Variants in BPHL observed in about 807,000 individuals in gnomAD.
BPHL encodes the protein biphenyl hydrolase like.
Under a neutral mutation model 31.2 loss-of-function variants are expected in BPHL, and 27 were observed. The observed-to-expected ratio is 0.87, with a 90% CI of 0.64 to 1.19. BPHL has a LOEUF of 1.19. Ranked by LOEUF, BPHL falls within the 50% of genes most tolerant of loss-of-function variation. The pLI is 0.00. For synonymous variants in BPHL, 150 were observed against 146.8 expected (o/e 1.02, Z -0.16); for missense variants, 356 against 375.7 (o/e 0.95, Z 0.43).
intron 4 of BPHL, among the ~76,000 whole-genome samples, chr6:3,132,091 C>G (rs940584547): frequency 6.6e-6 from 1 of 152,184 alleles, no homozygotes; most frequent in African/African-American, 2.4e-5. Flanking sequence ...TCTTTACTCT[C>G]TGACGTCTCG....
rs1368393966 is a variant in BPHL at position 3,140,978 on chromosome 6, C to T, written c.788+469C>T. Among the ~76,000 whole-genome samples the T allele has an allele frequency of 3.3e-5, 5 of 152,222 alleles. No individual in the cohort carries two copies. The highest frequency in any genetic ancestry group is 1.2e-4 in the African/African-American group (5 of 41,456). ...CAGTTAATGGTAGTGTTCCCTGTCC[C>T]TAAAGCCCCCAGGCCAGCAGGGAAA... On this transcript the variant is annotated intron_variant, in intron 6 of 6. Transcript: ENST00000380379. This position sits in a 1 kb window ranked among gnomAD's most constrained non-coding sequence, Gnocchi z 5.2.
chr6:3,136,259 C>T (rs1263790027), intron 4 of BPHL, among the ~76,000 whole-genome samples: 1 of 152,188 alleles, frequency 6.6e-6, no homozygotes, highest in Non-Finnish European at 1.5e-5. Context: ...CTTCTCTCTC[C>T]CTTACCCTCC....
chr6:3,150,007 G>A (rs1762478156), intron 6 of BPHL: 1 of 152,192 alleles, frequency 6.6e-6, no homozygotes, highest in South Asian at 2.1e-4. Context: ...AATAAAAAGG[G>A]GCTATTGGCA....
intron 6 of BPHL, among the ~76,000 whole-genome samples, chr6:3,142,438 C>T (rs554178885): frequency 5.3e-5 from 8 of 152,244 alleles, no homozygotes; most frequent in Non-Finnish European, 1.0e-4. Flanking sequence ...TTTATACAAT[C>T]TCAGTTTTTG....
In BPHL at chr6:3,119,367, G is replaced by A. The variant is rs375820804; in HGVS notation, c.107+520G>A. 3.3e-5 allele frequency: 52 copies of A among 1,576,808 alleles called. No individual in the cohort carries two copies. The East Asian group carries it at 4.0e-4, about 12-fold the overall frequency. On this transcript the variant is annotated intron_variant, in intron 1 of 6. Coordinates refer to ENST00000380379, the MANE Select transcript of BPHL (RefSeq NM_004332.4). ...AGTCTTCTCTTTGCTTGCTGATCTC[G>A]TACCTTAATGTGCAAAAGAATCACG...
rs149119996 is a variant in BPHL, at chr6:3,142,127, T to C, written c.788+1618T>C. Among the ~76,000 whole-genome samples, 15 of 151,604 alleles carry C rather than the reference T, an allele frequency of 9.9e-5. No homozygotes were observed. In the East Asian group the frequency reaches 2.9e-3, roughly 29 times the overall value. On this transcript the variant is annotated intron_variant, in intron 6 of 6. Transcript: ENST00000380379. Reference sequence around the variant, plus strand: ...CCTTGCAAAAGTTTTTTTTGTTTGTTTTTTTTTTGAGGCACAGTTTCACTC... The same window carrying C: ...CCTTGCAAAAGTTTTTTTTGTTTGTCTTTTTTTTGAGGCACAGTTTCACTC...
In BPHL at chr6:3,140,402, C is replaced by T. The variant is rs780775990; in HGVS notation, c.681C>T (p.His227=). The T allele has an allele frequency of 1.2e-6, 2 of 1,614,132 alleles. No homozygotes were observed. The highest frequency in any genetic ancestry group is 2.2e-5 in the East Asian group (1 of 44,888). Residue 227 remains histidine, a synonymous_variant, in exon 6 of 7, where the codon CAC becomes CAT. Coordinates refer to ENST00000380379, the MANE Select transcript of BPHL (RefSeq NM_004332.4). The surrounding 1 kb of genome is among the most constrained non-coding windows in gnomAD (Gnocchi z 5.2). ...ATCCGTCAGGTAACATCTGCCGGCA[C>T]CTGCTGCCCCGGGTCCAGTGCCCCG... ...KHLPDGNICR[H]LLPRVQCPAL...
At chr6:3,133,036 A>G (rs1251969074) in intron 4 of BPHL, among the ~76,000 whole-genome samples, 1 of 152,178 alleles carries the variant, frequency 6.6e-6, no homozygotes, top group Non-Finnish European at 1.5e-5. Context: ...CATTATAAAT[A>G]ATACTCTTTC....
chr6:3,126,120 T>C (rs932533681), intron 2 of BPHL, among the ~76,000 whole-genome samples: 1 of 152,220 alleles, frequency 6.6e-6, no homozygotes, highest in African/African-American at 2.4e-5. Context: ...TTCATACTGT[T>C]CTGATGAAAC....
At chr6:3,119,580 C>A in intron 1 of BPHL, 2 of 1,588,438 alleles carry the variant, frequency 1.3e-6, no homozygotes, top group Non-Finnish European at 1.7e-6. Flanking sequence ...ACTCTTGGTC[C>A]CAAGAGATAC....
At position 3,118,804 on chromosome 6, in the gene BPHL, C is replaced by T. The variant is rs1761465924; in HGVS notation, c.64C>T (p.Pro22Ser). 2.4e-6 allele frequency: 3 copies of T among 1,245,662 alleles called. No individual in the cohort carries two copies. Among genetic ancestry groups the T allele is most frequent in the Non-Finnish European group, 3.0e-6 (3 of 991,688 alleles). 77.2% of individuals were successfully genotyped at this position (1,245,662 alleles called of 1,614,324 possible). A position where few individuals can be genotyped will look rare whatever the true frequency, so the allele number is the denominator to read the frequency against. The change falls in exon 1 of 7, where the codon CCC becomes TCC. Residue 22 changes from proline (P) to serine (S), a missense_variant. Transcript: ENST00000380379. ...RLRLLLSALK[P>S]GIHVPRAGPA... ...GCGGCTGCTTCTCTCAGCGCTGAAG[C>T]CCGGGATCCACGTCCCACGGGCCGG... is the stretch of plus-strand genomic sequence containing the variant.
upstream of BPHL, chr6:3,118,645 G>T: frequency 1.2e-6 from 1 of 863,674 alleles, no homozygotes; most frequent in Non-Finnish European, 1.5e-6. Flanking sequence ...AGGCGAGGTG[G>T]GCGGAGCAGA....
chr6:3,125,605 A>G (rs1266456408), intron 2 of BPHL, among the ~76,000 whole-genome samples: 2 of 151,992 alleles, frequency 1.3e-5, no homozygotes, highest in Admixed American at 6.6e-5. Flanking sequence ...GGTCTTTTAG[A>G]CTGTTCTTTT....
chr6:3,134,029 A>G (rs780648344), intron 4 of BPHL, among the ~76,000 whole-genome samples: 4 of 152,234 alleles, frequency 2.6e-5, no homozygotes, highest in Admixed American at 6.5e-5. Context: ...GGTGTAAGAT[A>G]TTATCTTATT....
chr6:3,133,513 G>A (rs565921185), intron 4 of BPHL, among the ~76,000 whole-genome samples: 14 of 152,062 alleles, frequency 9.2e-5, no homozygotes, highest in African/African-American at 2.7e-4. Flanking sequence ...TGAGTGGCCC[G>A]GCCTCTGCCT....
chr6:3,140,235 A>C lies in BPHL; in HGVS notation c.665-151A>C. On this transcript the variant is annotated intron_variant, in intron 5 of 6. Transcript: ENST00000380379. This position sits in a 1 kb window ranked among gnomAD's most constrained non-coding sequence, Gnocchi z 5.2. ...GAACCCAAAGAATGTTAGAGCTGGAAGGAATCCCAGGCACGGTCAAATCCA... is the reference window on the plus strand; with the variant it reads ...GAACCCAAAGAATGTTAGAGCTGGACGGAATCCCAGGCACGGTCAAATCCA... 1.1e-6 allele frequency: 1 copy of C among 921,770 alleles called. No homozygotes were observed. The highest frequency in any genetic ancestry group is 2.7e-5 in the East Asian group (1 of 36,670). 57.1% of individuals were successfully genotyped at this position (921,770 alleles called of 1,614,324 possible).
intron 1 of BPHL, among the ~76,000 whole-genome samples, chr6:3,122,519 TC>T (rs1442989084): frequency 6.6e-6 from 1 of 152,150 alleles, no homozygotes; most frequent in African/African-American, 2.4e-5. Context: ...AGTCTGGCTG[TC>T]CTCGAAGAGC....
chr6:3,146,736 T>G (rs1762390257), intron 6 of BPHL, among the ~76,000 whole-genome samples: 1 of 146,588 alleles, frequency 6.8e-6, no homozygotes, highest in African/African-American at 2.6e-5. Context: ...GAGTGCTGGT[T>G]TGGGTCGGAG....
rs747730745 is a variant in BPHL, at chr6:3,123,639, G to A, written c.108-18G>A. The A allele has an allele frequency of 1.8e-5, 29 of 1,605,394 alleles. No homozygotes were observed. In the Admixed American group the frequency reaches 4.7e-4, roughly 26 times the overall value. ...ATCTCCCCTTTCCCCCTGTGGGGATGTGTTTTTTCTCTTCTAGCACCTCGG... is the reference window on the plus strand; with the variant it reads ...ATCTCCCCTTTCCCCCTGTGGGGATATGTTTTTTCTCTTCTAGCACCTCGG... On this transcript the variant is annotated intron_variant, in intron 1 of 6. Transcript: ENST00000380379.
Sources: gnomAD v4.1 joint callset for allele counts (sites outside exome capture counted in the v4.1 genomes callset) on GRCh38, gnomAD v4.1.1 for gene constraint, Gnocchi (gnomAD v3.1) non-coding constraint, MANE v1.5 for transcripts, NCBI Gene and HGNC (gene_info 2026-07-23, HGNC 2026-07-21) for gene names.